The following RALGPS1 variants were observed in gnomAD, a reference collection of about 807,000 sequenced individuals.
RALGPS1 encodes ras-specific guanine nucleotide-releasing factor RalGPS1.
RALGPS1 carries 19 observed loss-of-function variants against 78.8 expected under a neutral mutation model. The ratio of observed to expected loss-of-function variants is 0.24; its 90% CI spans 0.17 to 0.35. The LOEUF (loss-of-function observed/expected upper bound fraction) is 0.35, where lower values mean the gene tolerates loss of function less well. Among genes scored for constraint, RALGPS1 ranks in the 10% least tolerant of loss-of-function variants. The pLI is 1.00. For missense variants in RALGPS1, 454 were observed against 688.3 expected (o/e 0.66, Z 3.81); for synonymous variants, 228 against 256.3 (o/e 0.89, Z 1.06).
At chr9:127,042,764 T>C (rs1238664143) in intron 5 of RALGPS1, among the ~76,000 whole-genome samples, 3 of 152,158 alleles carry the variant, frequency 2.0e-5, no homozygotes, top group African/African-American at 4.8e-5. Context: ...ATTATCTAGA[T>C]AGAAAATTCC....
Position 127,052,897 on chromosome 9 carries a change from A to G in RALGPS1, c.441A>G (p.Ala147=). 6.2e-7 allele frequency: 1 copy of G among 1,611,032 alleles called. No individual in the cohort carries two copies. Among genetic ancestry groups the G allele is most frequent in the South Asian group, 1.1e-5 (1 of 91,002 alleles). ...ATTCTCTCATGTCTGTGGTATCAGC[A>G]TTACAAAGTGCTCCCATCTTCAGGC... ...NLHSLMSVVS[A]LQSAPIFRLT... Residue 147 remains alanine (A), a synonymous_variant, in exon 7 of 19, where the codon GCA becomes GCG. Coordinates refer to ENST00000259351, the MANE Select transcript of RALGPS1 (RefSeq NM_014636.3).
intron 1 of RALGPS1, among the ~76,000 whole-genome samples, chr9:126,919,022 C>T (rs1280916585): frequency 6.6e-6 from 1 of 152,192 alleles, no homozygotes; most frequent in Non-Finnish European, 1.5e-5. Context: ...AAGTGTCTTT[C>T]TTGCCTCAAG....
chr9:127,140,357 T>A (rs1194660616), intron 8 of RALGPS1, among the ~76,000 whole-genome samples: 1 of 152,224 alleles, frequency 6.6e-6, no homozygotes, highest in Non-Finnish European at 1.5e-5. Context: ...CTCTGATTAT[T>A]TGCAGTCAAG....
At chr9:127,182,364 T>TCCCTC (rs2060297165) in intron 11 of RALGPS1, among the ~76,000 whole-genome samples, 3 of 125,662 alleles carry the variant, frequency 2.4e-5, no homozygotes, top group African/African-American at 9.1e-5. Flanking sequence ...CTTCCTTCCT[T>TCCCTC]CCTTCCTCCC....
intron 8 of RALGPS1, among the ~76,000 whole-genome samples, chr9:127,135,697 T>C (rs2057345642): frequency 6.6e-6 from 1 of 152,180 alleles, no homozygotes; most frequent in African/African-American, 2.4e-5. Flanking sequence ...AGCCAGGCTC[T>C]GCTAGAGTCT....
At chr9:126,932,859 C>T (rs1035980891) in intron 1 of RALGPS1, among the ~76,000 whole-genome samples, 5 of 152,146 alleles carry the variant, frequency 3.3e-5, no homozygotes, top group African/African-American at 1.2e-4. Context: ...CGTGAAGGAT[C>T]GTAAAGTTTG....
In RALGPS1 at chr9:127,069,368, A is replaced by T. The variant is rs750633589; in HGVS notation, c.610+12A>T. Reference sequence around the variant, plus strand: ...TATTCCCTATCTAGGTAGGAGTTTGAATTGGCTTATTTTTTTTTAAGAAAC... The same window carrying T: ...TATTCCCTATCTAGGTAGGAGTTTGTATTGGCTTATTTTTTTTTAAGAAAC... On this transcript the variant is annotated intron_variant, in intron 8 of 18. Coordinates refer to ENST00000259351, the MANE Select transcript of RALGPS1 (RefSeq NM_014636.3). 6 of 1,612,340 alleles carry T rather than the reference A, an allele frequency of 3.7e-6. No individual in the cohort carries two copies. The highest frequency in any genetic ancestry group is 5.1e-6 in the Non-Finnish European group (6 of 1,179,354).
At chr9:127,074,240 G>T (rs1048933064) in intron 8 of RALGPS1, among the ~76,000 whole-genome samples, 5 of 152,222 alleles carry the variant, frequency 3.3e-5, no homozygotes, top group African/African-American at 1.2e-4. Context: ...ACAGCATTTA[G>T]TTGGACCGTG....
intron 8 of RALGPS1, among the ~76,000 whole-genome samples, chr9:127,130,875 G>A (rs72764389): frequency 0.023 from 3,541 of 152,340 alleles, 60 homozygotes; most frequent in Middle Eastern, 0.051. Flanking sequence ...CTATGTGATG[G>A]AGAAGGCTCA....
chr9:126,952,018 C>T (rs2037871990), intron 1 of RALGPS1, among the ~76,000 whole-genome samples: 1 of 152,208 alleles, frequency 6.6e-6, no homozygotes, highest in Non-Finnish European at 1.5e-5. Context: ...CATTCTTATA[C>T]ACCAATAACA....
At chr9:126,924,796 G>C (rs1327846689) in intron 1 of RALGPS1, among the ~76,000 whole-genome samples, 1 of 152,242 alleles carries the variant, frequency 6.6e-6, no homozygotes, top group Non-Finnish European at 1.5e-5. Context: ...GGTCTACTGA[G>C]TGCCAGTGCT....
chr9:127,056,314 A>G (rs1233212617), intron 7 of RALGPS1, among the ~76,000 whole-genome samples: 2 of 152,202 alleles, frequency 1.3e-5, no homozygotes, highest in South Asian at 4.1e-4. Flanking sequence ...AAAGGTGGGT[A>G]GATGCAGCAT....
chr9:126,961,700 G>A (rs1760636474), intron 1 of RALGPS1, among the ~76,000 whole-genome samples: 1 of 152,218 alleles, frequency 6.6e-6, no homozygotes, highest in South Asian at 2.1e-4. Context: ...GGAGACTGAG[G>A]TGGAAGGATC....
In RALGPS1 at chr9:127,036,106, A is replaced by G. The variant is rs372898381; in HGVS notation, c.300+1592A>G. On this transcript the variant is annotated intron_variant, in intron 5 of 18. Coordinates refer to ENST00000259351, the MANE Select transcript of RALGPS1 (RefSeq NM_014636.3). Reference sequence around the variant, plus strand: ...GGCGATGTGGCTTATTCTGTGAACAATTGTGTTGTGTCCAGCTCAGACCAA... The same window carrying G: ...GGCGATGTGGCTTATTCTGTGAACAGTTGTGTTGTGTCCAGCTCAGACCAA... Among the ~76,000 whole-genome samples, 13 of 152,174 alleles carry G rather than the reference A, an allele frequency of 8.5e-5. No homozygotes were observed. In the East Asian group the frequency reaches 1.2e-3, roughly 14 times the overall value.
chr9:127,055,411 C>A (rs1201284750), intron 7 of RALGPS1, among the ~76,000 whole-genome samples: 1 of 152,174 alleles, frequency 6.6e-6, no homozygotes, highest in Non-Finnish European at 1.5e-5. Flanking sequence ...AGAGATGGTG[C>A]CTTGCTATGT....
intron 8 of RALGPS1, among the ~76,000 whole-genome samples, chr9:127,161,783 G>A (rs548928401): frequency 1.5e-4 from 23 of 152,320 alleles, no homozygotes; most frequent in South Asian, 6.2e-4. Flanking sequence ...TGGAGTAAAA[G>A]AAGAACCGCC....
In RALGPS1 at chr9:127,085,105, G is replaced by A. The variant is rs571710573; in HGVS notation, c.610+15749G>A. On this transcript the variant is annotated intron_variant, in intron 8 of 18. Coordinates refer to ENST00000259351, the MANE Select transcript of RALGPS1 (RefSeq NM_014636.3). ...GTCTTGCTCAAATTGGCAAGATTACGGGGAGGGGGTCTTTTTCAGTGTCAC... is the reference window on the plus strand; with the variant it reads ...GTCTTGCTCAAATTGGCAAGATTACAGGGAGGGGGTCTTTTTCAGTGTCAC... Among the ~76,000 whole-genome samples, 9 of 152,300 alleles carry A rather than the reference G, an allele frequency of 5.9e-5. No homozygotes were observed. In the South Asian group the frequency reaches 1.5e-3, roughly 25 times the overall value.
chr9:127,055,596 T>C (rs1048794460), intron 7 of RALGPS1, among the ~76,000 whole-genome samples: 3 of 152,286 alleles, frequency 2.0e-5, no homozygotes, highest in Middle Eastern at 3.4e-3. Flanking sequence ...TTGTCATTTA[T>C]AGATGAGGAA....
At chr9:127,067,500 C>G (rs79240402) in intron 7 of RALGPS1, among the ~76,000 whole-genome samples, 1,848 of 152,336 alleles carry the variant, frequency 0.012, 24 homozygotes, top group Middle Eastern at 0.065. Flanking sequence ...CCCTAATGCA[C>G]CAGACATGGC....
Sources: gnomAD v4.1 joint callset for allele counts (sites outside exome capture counted in the v4.1 genomes callset) on GRCh38, gnomAD v4.1.1 for gene constraint, MANE v1.5 for transcripts, NCBI Gene and HGNC (gene_info 2026-07-23, HGNC 2026-07-21) for gene names.